Variants in NAALADL2 observed in about 807,000 individuals in gnomAD.
The protein encoded by NAALADL2 is inactive N-acetylated-alpha-linked acidic dipeptidase-like protein 2.
NAALADL2 carries 76 observed loss-of-function variants against 87.2 expected under a neutral mutation model. The ratio of observed to expected loss-of-function variants is 0.87; its 90% CI spans 0.72 to 1.05. NAALADL2 has a LOEUF of 1.05. Ranked by LOEUF, NAALADL2 falls within the 50% of genes least tolerant of loss-of-function variation. The pLI is 0.00. For synonymous variants in NAALADL2, 354 were observed against 331.0 expected, an observed-to-expected ratio of 1.07 and a Z score of -0.75; for missense variants, 1,089 against 945.8, an observed-to-expected ratio of 1.15 and a Z score of -1.99.
chr3:174,755,635 G>A (rs1056504415), intron 3 of NAALADL2, among the ~76,000 whole-genome samples: 3 of 152,022 alleles, frequency 2.0e-5, no homozygotes, highest in African/African-American at 4.8e-5. Flanking sequence ...GTAGTTTCTC[G>A]AGAGAAGAGG....
At chr3:175,543,250 G>T (rs994051506) in intron 9 of NAALADL2, among the ~76,000 whole-genome samples, 1 of 152,012 alleles carries the variant, frequency 6.6e-6, no homozygotes, top group Non-Finnish European at 1.5e-5. Flanking sequence ...ATTGACAGAA[G>T]ACTAACCAAG....
chr3:174,728,980 A>G (rs1042602082), intron 2 of NAALADL2, among the ~76,000 whole-genome samples: 1 of 152,090 alleles, frequency 6.6e-6, no homozygotes, highest in Non-Finnish European at 1.5e-5. Flanking sequence ...GGCTAAAGCT[A>G]AGTAATCATT....
chr3:175,274,776 G>A (rs1312206841), intron 4 of NAALADL2, among the ~76,000 whole-genome samples: 1 of 152,148 alleles, frequency 6.6e-6, no homozygotes. Flanking sequence ...ACCTCTTCAA[G>A]ATAACAGAAG....
At chr3:174,655,282 G>A (rs542386603) in intron 2 of NAALADL2, among the ~76,000 whole-genome samples, 2 of 151,610 alleles carry the variant, frequency 1.3e-5, no homozygotes, top group South Asian at 2.1e-4. Context: ...TGTGCTTTAA[G>A]CCACCACCGT....
At position 175,463,701 on chromosome 3, in the gene NAALADL2, G is replaced by GGAGAGAGAGAGAGAGAGAGA. The variant is rs10591566; in HGVS notation, c.1327+224_1327+243dup. 4.4e-3 allele frequency among the ~76,000 whole-genome samples: 513 copies of GGAGAGAGAGAGAGAGAGAGA among 115,400 alleles called. 14 individuals are homozygous for GGAGAGAGAGAGAGAGAGAGA. Among genetic ancestry groups the GGAGAGAGAGAGAGAGAGAGA allele is most frequent in the African/African-American group, 0.019 (474 of 25,268 alleles). The allele number at this position is 115,400 out of a possible 152,430, so 75.7% of individuals were successfully genotyped here. ...TCTTCTAAAATAAATCTTAGTCGGG[G>GGAGAGAGAGAGAGAGAGAGA]GAGAGAGAGAGAGAGAGAGAGAGAG... On this transcript the variant is annotated intron_variant, in intron 7 of 13. Coordinates refer to ENST00000454872, the MANE Select transcript of NAALADL2 (RefSeq NM_207015.3).
At chr3:174,458,475 T>A (rs1001823259) in intron 1 of NAALADL2, 11 of 152,250 alleles carry the variant, frequency 7.2e-5, no homozygotes, top group Non-Finnish European at 1.0e-4. Flanking sequence ...TTTCCTTTTC[T>A]TTCCCTCTCC....
At chr3:175,248,653 T>C (rs1748451628) in intron 3 of NAALADL2, among the ~76,000 whole-genome samples, 1 of 152,188 alleles carries the variant, frequency 6.6e-6, no homozygotes, top group Admixed American at 6.5e-5. Context: ...TCCTACTGTG[T>C]GCCAATAACT....
At chr3:175,717,782 A>T (rs1196972722) in intron 11 of NAALADL2, among the ~76,000 whole-genome samples, 1 of 151,112 alleles carries the variant, frequency 6.6e-6, no homozygotes, top group Non-Finnish European at 1.5e-5. Context: ...GTTTAGTCTA[A>T]CAGTGACCTC....
intron 2 of NAALADL2, among the ~76,000 whole-genome samples, chr3:174,655,005 G>A (rs1724765511): frequency 1.3e-5 from 2 of 152,224 alleles, no homozygotes; most frequent in African/African-American, 4.8e-5. Flanking sequence ...AAAGTGCTGG[G>A]ATTACAGGCG....
rs1417437425 is a variant in NAALADL2, at chr3:175,762,757, G to A, written c.2189+7339G>A. On this transcript the variant is annotated intron_variant, in intron 13 of 13. Transcript: ENST00000454872. ...GCAACATCTTCATAGAAAATAAAGA[G>A]TTTGAGGAGAGACATTAAATATGCA... is the stretch of plus-strand genomic sequence containing the variant. Among the ~76,000 whole-genome samples, 4 of 152,106 alleles carry A rather than the reference G, an allele frequency of 2.6e-5. No homozygotes were observed. The East Asian group carries it at 7.7e-4, about 29-fold the overall frequency.
At chr3:174,914,049 A>ATG (rs1294762356) in intron 1 of NAALADL2, among the ~76,000 whole-genome samples, 2 of 150,236 alleles carry the variant, frequency 1.3e-5, no homozygotes, top group African/African-American at 4.9e-5. Context: ...ATATATATAT[A>ATG]TTCCTTTTCT....
At chr3:174,688,582 C>G (rs1462643357) in intron 2 of NAALADL2, among the ~76,000 whole-genome samples, 1 of 151,802 alleles carries the variant, frequency 6.6e-6, no homozygotes, top group Admixed American at 6.6e-5. Context: ...TTATTCTTCT[C>G]AATAAAAATT....
intron 11 of NAALADL2, among the ~76,000 whole-genome samples, chr3:175,683,161 C>T (rs1008176011): frequency 2.0e-5 from 3 of 151,796 alleles, no homozygotes; most frequent in Non-Finnish European, 2.9e-5. Context: ...CAAATATTTT[C>T]AAAACAAAAA....
At chr3:174,478,668 G>A (rs1004500860) in intron 1 of NAALADL2, among the ~76,000 whole-genome samples, 2 of 151,890 alleles carry the variant, frequency 1.3e-5, no homozygotes. Flanking sequence ...AACATATTTT[G>A]ATATTTTTTA....
At chr3:174,683,715 G>C (rs1375975674) in intron 2 of NAALADL2, among the ~76,000 whole-genome samples, 1 of 66,458 alleles carries the variant, frequency 1.5e-5, no homozygotes, top group Non-Finnish European at 3.0e-5. Context: ...ACCTTGCCCT[G>C]CAAAATATAA....
chr3:175,555,401 T>G (rs952670885), intron 9 of NAALADL2, among the ~76,000 whole-genome samples: 1 of 152,202 alleles, frequency 6.6e-6, no homozygotes, highest in Non-Finnish European at 1.5e-5. Context: ...TGCCACAGAT[T>G]TCTTATCTGT....
At position 175,444,625 on chromosome 3, in the gene NAALADL2, A is replaced by G. The variant is rs138077727; in HGVS notation, c.1091-2604A>G. Among the ~76,000 whole-genome samples the G allele has an allele frequency of 5.0e-3, 767 of 152,292 alleles. 3 individuals carry two copies. Among genetic ancestry groups the G allele is most frequent in the Non-Finnish European group, 8.1e-3 (551 of 68,026 alleles). ...TTAATGCTCTCCTATTGCCATATGG[A>G]AATTCTTCATACTTTTTAAACAAGA... On this transcript the variant is annotated intron_variant, in intron 5 of 13. Coordinates refer to ENST00000454872, the MANE Select transcript of NAALADL2 (RefSeq NM_207015.3).
chr3:174,442,128 T>G (rs1714698432), intron 1 of NAALADL2, among the ~76,000 whole-genome samples: 1 of 152,210 alleles, frequency 6.6e-6, no homozygotes, highest in African/African-American at 2.4e-5. Context: ...TGAGTTAGAT[T>G]CTGTGCTGAC....
At chr3:174,896,949 G>A (rs1374629776) in intron 1 of NAALADL2, among the ~76,000 whole-genome samples, 2 of 152,176 alleles carry the variant, frequency 1.3e-5, no homozygotes, top group African/African-American at 2.4e-5. Context: ...AATAAATGGT[G>A]CTGAGAAACT....
Sources: gnomAD v4.1 joint callset for allele counts (sites outside exome capture counted in the v4.1 genomes callset) on GRCh38, gnomAD v4.1.1 for gene constraint, MANE v1.5 for transcripts, NCBI Gene and HGNC (gene_info 2026-07-23, HGNC 2026-07-21) for gene names.